MYO1G: variants seen among roughly 807,000 people sequenced by gnomAD.
The protein encoded by MYO1G is unconventional myosin-Ig.
A neutral mutation model predicts 115.3 loss-of-function variants in MYO1G; 65 were observed. The observed-to-expected ratio is 0.56, with a 90% CI of 0.46 to 0.69. The LOEUF (loss-of-function observed/expected upper bound fraction) is 0.69, where lower values mean the gene tolerates loss of function less well. Among genes scored for constraint, MYO1G ranks in the 30% least tolerant of loss-of-function variants. MYO1G has a pLI of 0.00. For missense variants in MYO1G, 1,204 were observed against 1,393.5 expected (o/e 0.86, Z 2.16); for synonymous variants, 510 against 552.6 (o/e 0.92, Z 1.08).
At position 44,966,542 on chromosome 7, in the gene MYO1G, G is replaced by C; in HGVS notation, c.1949+130C>G. The stretch of plus-strand genomic sequence containing the variant: ...CTTCCCAGATATTTTGGTGTCTTGA[G>C]GCCAGCAGCGTGCTGGTTCCTGCTT... On this transcript the variant is annotated intron_variant, in intron 15 of 21. Transcript: ENST00000258787. This position sits in a 1 kb window ranked among gnomAD's most constrained non-coding sequence, Gnocchi z 5.0. 8.4e-7 allele frequency: 1 copy of C among 1,194,086 alleles called. No individual in the cohort carries two copies. Among genetic ancestry groups the C allele is most frequent in the Non-Finnish European group, 1.2e-6 (1 of 822,224 alleles). The allele number at this position is 1,194,086 out of a possible 1,614,324, so 74.0% of individuals were successfully genotyped here.
chr7:44,972,516 C>T, intron 5 of MYO1G: 1 of 406,446 alleles, frequency 2.5e-6, no homozygotes, highest in Admixed American at 3.7e-5. Context: ...AGACATTGCC[C>T]TCGACCCAGG....
chr7:44,970,485 G>T, intron 9 of MYO1G, 107 bp downstream of exon 9: 1 of 1,471,700 alleles, frequency 6.8e-7, no homozygotes, highest in East Asian at 2.4e-5. Flanking sequence ...GACCAGCCGG[G>T]AGAAACCCCA....
In MYO1G at chr7:44,971,054, G is replaced by T; in HGVS notation, c.852C>A (p.Asn284Lys). Residue 284 changes from asparagine (N) to lysine (K), a missense_variant, in exon 8 of 22, where the codon AAC becomes AAA. Transcript: ENST00000258787. ...CCTCCTCCGTCTCCACAAACTCGAT[G>T]TTTCCCTGGTGATGGGAAAACCATG... The part of the protein sequence containing the change: ...RILAAILHLG[N>K]IEFVETEEGG... The T allele has an allele frequency of 6.2e-7, 1 of 1,609,212 alleles. No homozygotes were observed. The highest frequency in any genetic ancestry group is 8.5e-7 in the Non-Finnish European group (1 of 1,178,366).
Position 44,964,222 on chromosome 7 carries a change from G to C in MYO1G, c.2632-60C>G. On this transcript the variant is annotated intron_variant, in intron 19 of 21. Transcript: ENST00000258787. The surrounding 1 kb of genome is among the most constrained non-coding windows in gnomAD (Gnocchi z 5.1). ...GCCCTGTCACCCACCAGGGCCCCAGGCTTCGGCAGTCCCTACTGCCTCCCC... is the reference window on the plus strand; with the variant it reads ...GCCCTGTCACCCACCAGGGCCCCAGCCTTCGGCAGTCCCTACTGCCTCCCC... 2 of 1,465,532 alleles carry C rather than the reference G, an allele frequency of 1.4e-6. No individual in the cohort carries two copies. Among genetic ancestry groups the C allele is most frequent in the Non-Finnish European group, 1.9e-6 (2 of 1,066,744 alleles). 90.8% of individuals were successfully genotyped at this position (1,465,532 alleles called of 1,614,324 possible). A position where few individuals can be genotyped will look rare whatever the true frequency, so the allele number is the denominator to read the frequency against.
Position 44,969,948 on chromosome 7 carries a change from A to G in MYO1G, c.1333-73T>C. ...ACCTCCCCTCCTCCGCCCCACACTC[A>G]GCCACCTGTCAGGCCAGCCCGGGCC... is the stretch of plus-strand genomic sequence containing the variant. On this transcript the variant is annotated intron_variant, in intron 10 of 21. Coordinates refer to ENST00000258787, the MANE Select transcript of MYO1G (RefSeq NM_033054.3). This position sits in a 1 kb window ranked among gnomAD's most constrained non-coding sequence, Gnocchi z 5.0. The G allele has an allele frequency of 1.3e-6, 2 of 1,588,480 alleles. No homozygotes were observed. The highest frequency in any genetic ancestry group is 2.7e-5 in the African/African-American group (2 of 74,656).
chr7:44,967,931 C>G lies in MYO1G; in HGVS notation c.1602G>C (p.Lys534Asn). Residue 534 changes from lysine (K) to asparagine (N), a missense_variant, in exon 13 of 22, where the codon AAG becomes AAC. By Grantham distance (94) the Lys-to-Asn change is moderately conservative. Coordinates refer to ENST00000258787, the MANE Select transcript of MYO1G (RefSeq NM_033054.3). ...VTYSVEGFIDKNRDFLFQDFK... is the reference protein window; with the variant it reads ...VTYSVEGFIDNNRDFLFQDFK... Reference sequence around the variant, plus strand: ...AGTCCTGGAAGAGGAAATCTCTGTTCTTGTCGATGAAGCCTTCCACGGAGT... The same window carrying G: ...AGTCCTGGAAGAGGAAATCTCTGTTGTTGTCGATGAAGCCTTCCACGGAGT... 6.2e-7 allele frequency: 1 copy of G among 1,614,030 alleles called. No homozygotes were observed.
At chr7:44,971,569 T>G in intron 7 of MYO1G, 104 bp downstream of exon 7, 1 of 797,594 alleles carries the variant, frequency 1.3e-6, no homozygotes, top group Non-Finnish European at 2.0e-6. Context: ...GCCTAGCACA[T>G]TGCTGGGGCA....
rs1321733092 is a variant in MYO1G at position 44,964,330 on chromosome 7, C to A, written c.2631+85G>T. 5.6e-6 allele frequency: 8 copies of A among 1,439,010 alleles called. No individual in the cohort carries two copies. Among genetic ancestry groups the A allele is most frequent in the South Asian group, 3.4e-5 (3 of 87,166 alleles). The allele number at this position is 1,439,010 out of a possible 1,614,324, so 89.1% of individuals were successfully genotyped here. Reference sequence around the variant, plus strand: ...CCTCCATTTTCTCCCAAGTGCCCCCCCAAAACTCTGCACCAGCTTCTAACC... The same window carrying A: ...CCTCCATTTTCTCCCAAGTGCCCCCACAAAACTCTGCACCAGCTTCTAACC... On this transcript the variant is annotated intron_variant, in intron 19 of 21. Transcript: ENST00000258787. This position sits in a 1 kb window ranked among gnomAD's most constrained non-coding sequence, Gnocchi z 5.1.
At position 44,966,613 on chromosome 7, in the gene MYO1G, C is replaced by T. The variant is rs766807206; in HGVS notation, c.1949+59G>A. 6 of 1,602,404 alleles carry T rather than the reference C, an allele frequency of 3.7e-6. No individual in the cohort carries two copies. In the African/African-American group the frequency reaches 8.0e-5, roughly 21 times the overall value. On this transcript the variant is annotated intron_variant, in intron 15 of 21. Transcript: ENST00000258787. The surrounding 1 kb of genome is among the most constrained non-coding windows in gnomAD (Gnocchi z 5.0). The stretch of plus-strand genomic sequence containing the variant: ...CTGTTTGGGGACCCTCTGCTCCTAC[C>T]CCTTGGACTCCACACAGGGACTATG...
At position 44,963,821 on chromosome 7, in the gene MYO1G, G is replaced by A; in HGVS notation, c.2745+228C>T. ...TTTGGCTTGGCTAGAGTGTGAGAGT[G>A]GGGGTGGGGGGTGACTGGGCTGGTG... On this transcript the variant is annotated intron_variant, in intron 20 of 21. Transcript: ENST00000258787. This position sits in a 1 kb window ranked among gnomAD's most constrained non-coding sequence, Gnocchi z 4.1. 1 of 547,754 alleles carries A rather than the reference G, an allele frequency of 1.8e-6. No individual in the cohort carries two copies. The highest frequency in any genetic ancestry group is 3.1e-5 in the Admixed American group (1 of 32,492). 33.9% of individuals were successfully genotyped at this position (547,754 alleles called of 1,614,324 possible). A position where few individuals can be genotyped will look rare whatever the true frequency, so the allele number is the denominator to read the frequency against.
At position 44,970,858 on chromosome 7, in the gene MYO1G, A is replaced by G. The variant is rs757768100; in HGVS notation, c.1048T>C (p.Tyr350His). 5.0e-6 allele frequency: 8 copies of G among 1,613,546 alleles called. No homozygotes were observed. Among genetic ancestry groups the G allele is most frequent in the Non-Finnish European group, 6.8e-6 (8 of 1,180,012 alleles). ...EKGHTAAEAS[Y>H]ARDACAKAVY... ...ACCTTGGCACAGGCATCCCGGGCAT[A>G]GCTGGCCTCAGCTGCAGTGTGGCCC... The change falls in exon 8 of 22, where the codon TAT (tyrosine) becomes CAT (histidine). Residue 350 changes from tyrosine to histidine, a missense_variant. Transcript: ENST00000258787.
intron 1 of MYO1G, among the ~76,000 whole-genome samples, chr7:44,977,613 C>A (rs1795081105): frequency 6.6e-6 from 1 of 152,136 alleles, no homozygotes; most frequent in Admixed American, 6.5e-5. Flanking sequence ...GACCCCCCAG[C>A]CTGTGGCCAG....
In MYO1G at chr7:44,964,156, G is replaced by C; in HGVS notation, c.2638C>G (p.Arg880Gly). 6.3e-7 allele frequency: 1 copy of C among 1,589,838 alleles called. No individual in the cohort carries two copies. The highest frequency in any genetic ancestry group is 8.6e-7 in the Non-Finnish European group (1 of 1,167,840). The change falls in exon 20 of 22, where the codon CGC becomes GGC. Residue 880 changes from arginine (R) to glycine (G), a missense_variant. Coordinates refer to ENST00000258787, the MANE Select transcript of MYO1G (RefSeq NM_033054.3). The surrounding 1 kb of genome is among the most constrained non-coding windows in gnomAD (Gnocchi z 5.1). ...GCCCGGTTCCGGATCTTGTGGAAGC[G>C]GTTCACCTGTGGGAGAGGTGGCTGG... is the stretch of plus-strand genomic sequence containing the variant. Reference protein sequence around the residue: ...LFSSHVRKVNRFHKIRNRALL... With the variant: ...LFSSHVRKVNGFHKIRNRALL...
chr7:44,974,965 G>A lies in MYO1G; in HGVS notation c.618+209C>T, dbSNP rs1048346630. On this transcript the variant is annotated intron_variant, in intron 5 of 21. Coordinates refer to ENST00000258787, the MANE Select transcript of MYO1G (RefSeq NM_033054.3). ...CAGATAAAGGGGACATCCTGCTTTT[G>A]TTCCCTGCAAGTCACACCCTCTTGT... The A allele has an allele frequency of 1.7e-5, 11 of 636,552 alleles. No homozygotes were observed. In the African/African-American group the frequency reaches 2.0e-4, roughly 11 times the overall value. 39.4% of individuals were successfully genotyped at this position (636,552 alleles called of 1,614,324 possible). A position where few individuals can be genotyped will look rare whatever the true frequency, so the allele number is the denominator to read the frequency against.
chr7:44,972,308 C>T (rs1192644518), intron 5 of MYO1G, 83 bp from the exon 6 acceptor site: 3 of 1,004,316 alleles, frequency 3.0e-6, no homozygotes, highest in South Asian at 1.3e-5. Flanking sequence ...AACAAACAGA[C>T]TTGCGCTTCC....
intron 5 of MYO1G, chr7:44,974,918 G>A (rs1178460913): frequency 8.9e-6 from 5 of 562,928 alleles, no homozygotes; most frequent in Non-Finnish European, 1.3e-5. Flanking sequence ...GGGTCCCAGA[G>A]AGCCCTCATC....
At position 44,976,660 on chromosome 7, in the gene MYO1G, G is replaced by A. The variant is rs1267512061; in HGVS notation, c.305-3C>T. On this transcript the variant is annotated splice_region_variant and splice_polypyrimidine_tract_variant and intron_variant, in intron 2 of 21. Coordinates refer to ENST00000258787, the MANE Select transcript of MYO1G (RefSeq NM_033054.3). ...TGTCTTCCCTGCCCCACTCTCCCCTGCCGGAAAGACCAGAGTTGAGAGAAT... is the reference window on the plus strand; with the variant it reads ...TGTCTTCCCTGCCCCACTCTCCCCTACCGGAAAGACCAGAGTTGAGAGAAT... The A allele has an allele frequency of 6.2e-7, 1 of 1,613,990 alleles. No individual in the cohort carries two copies. Among genetic ancestry groups the A allele is most frequent in the African/African-American group, 1.3e-5 (1 of 75,024 alleles).
At position 44,966,776 on chromosome 7, in the gene MYO1G, C is replaced by G. The variant is rs908201402; in HGVS notation, c.1845G>C (p.Glu615Asp). ...ATGCGACCTGGTGGCGACAGTGGTT[C>G]TCATCCAGCTTCCCAGCTACCTTGT... ...NEDKVAGKLD[E>D]NHCRHQVAYL... Residue 615 changes from glutamate to aspartate, a missense_variant, in exon 15 of 22, where the codon GAG (glutamate) becomes GAC (aspartate). Coordinates refer to ENST00000258787, the MANE Select transcript of MYO1G (RefSeq NM_033054.3). This position sits in a 1 kb window ranked among gnomAD's most constrained non-coding sequence, Gnocchi z 5.0. 5.6e-6 allele frequency: 9 copies of G among 1,613,664 alleles called. No homozygotes were observed.
In MYO1G at chr7:44,962,942, T is replaced by A; in HGVS notation, c.2900+28A>T. ...GGGCGGCCACGCGGCCGGGGCTTCGTGCCCGCTACCGCCCAGCCTGCACTC... is the reference window on the plus strand; with the variant it reads ...GGGCGGCCACGCGGCCGGGGCTTCGAGCCCGCTACCGCCCAGCCTGCACTC... On this transcript the variant is annotated intron_variant, in intron 21 of 21. Transcript: ENST00000258787. The surrounding 1 kb of genome is among the most constrained non-coding windows in gnomAD (Gnocchi z 5.3). 6.6e-7 allele frequency: 1 copy of A among 1,509,138 alleles called. No homozygotes were observed. Among genetic ancestry groups the A allele is most frequent in the Non-Finnish European group, 8.8e-7 (1 of 1,132,114 alleles). 93.5% of individuals were successfully genotyped at this position (1,509,138 alleles called of 1,614,324 possible).
Sources: allele counts gnomAD v4.1 joint callset (sites outside exome capture counted in the v4.1 genomes callset), GRCh38; gene constraint gnomAD v4.1.1; non-coding constraint Gnocchi (gnomAD v3.1); transcripts MANE v1.5; gene names NCBI Gene and HGNC (gene_info 2026-07-23, HGNC 2026-07-21).